OSTF1: variants seen among roughly 807,000 people sequenced by gnomAD.
OSTF1 encodes osteoclast-stimulating factor 1.
Under a neutral mutation model 37.2 loss-of-function variants are expected in OSTF1, and 27 were observed. The observed-to-expected ratio is 0.73, with a 90% CI of 0.54 to 1.00. The LOEUF (loss-of-function observed/expected upper bound fraction) is 1.00, where lower values mean the gene tolerates loss of function less well. Ranked by LOEUF, OSTF1 falls within the 50% of genes least tolerant of loss-of-function variation. OSTF1 has a pLI of 0.00. For synonymous variants in OSTF1, 82 were observed against 89.2 expected (o/e 0.92, Z 0.46); for missense variants, 232 against 253.8 (o/e 0.91, Z 0.58).
At chr9:75,142,448 A>G (rs561536897) in intron 9 of OSTF1, among the ~76,000 whole-genome samples, 24 of 152,280 alleles carry the variant, frequency 1.6e-4, no homozygotes, top group Non-Finnish European at 3.1e-4. Context: ...CTGACCGAAG[A>G]GTAAGGCTTC....
chr9:75,110,892 AT>A (rs1177993602), intron 1 of OSTF1, among the ~76,000 whole-genome samples: 2 of 151,336 alleles, frequency 1.3e-5, no homozygotes, highest in African/African-American at 2.4e-5. Context: ...TAATTTTTAA[AT>A]TTTTTTTGTA....
chr9:75,097,491 T>A (rs1464845609), intron 1 of OSTF1, among the ~76,000 whole-genome samples: 1 of 152,194 alleles, frequency 6.6e-6, no homozygotes, highest in East Asian at 1.9e-4. Context: ...AAAAGCTAGT[T>A]CAGACCATGA....
intron 1 of OSTF1, among the ~76,000 whole-genome samples, chr9:75,090,294 G>T (rs556168411): frequency 2.7e-5 from 4 of 149,348 alleles, no homozygotes; most frequent in Non-Finnish European, 4.5e-5. Flanking sequence ...GACATTGACA[G>T]GTGTGTGTGT....
chr9:75,134,430 A>T lies in OSTF1; in HGVS notation c.408+35A>T, dbSNP rs1383084779. The T allele has an allele frequency of 3.4e-6, 4 of 1,181,964 alleles. No homozygotes were observed. In the South Asian group the frequency reaches 5.1e-5, roughly 15 times the overall value. 73.2% of individuals were successfully genotyped at this position (1,181,964 alleles called of 1,614,324 possible). On this transcript the variant is annotated intron_variant, in intron 7 of 9. Transcript: ENST00000346234. ...CTTATTTGAAAATTATTTAACACAT[A>T]CCTGCTTGTTGTCTTTAGTACAGAG...
At chr9:75,090,294 GGT>G (rs3837221) in intron 1 of OSTF1, among the ~76,000 whole-genome samples, 23,819 of 149,172 alleles carry the variant, frequency 0.16, 2,504 homozygotes, top group African/African-American at 0.3. Context: ...GACATTGACA[GGT>G]GTGTGTGTGT....
chr9:75,121,426 C>A lies in OSTF1; in HGVS notation c.81+3876C>A, dbSNP rs139368146. Among the ~76,000 whole-genome samples, 616 of 152,222 alleles carry A rather than the reference C, an allele frequency of 4.0e-3. 24 individuals carry two copies. Among genetic ancestry groups the A allele is most frequent in the Admixed American group, 0.036 (553 of 15,292 alleles). On this transcript the variant is annotated intron_variant, in intron 2 of 9. Coordinates refer to ENST00000346234, the MANE Select transcript of OSTF1 (RefSeq NM_012383.5). ...AATTCTTTAGGCTTTAAAAAATATT[C>A]TATATTTAAAATGTTGTATTTTTAA...
chr9:75,113,405 A>ATGTCAGTG, intron 1 of OSTF1, among the ~76,000 whole-genome samples: 1 of 147,806 alleles, frequency 6.8e-6, no homozygotes, highest in East Asian at 2.0e-4. Context: ...ATTATATTCT[A>ATGTCAGTG]TGTCAGTGTC....
At chr9:75,124,681 C>G (rs1330334582) in intron 2 of OSTF1, among the ~76,000 whole-genome samples, 1 of 152,154 alleles carries the variant, frequency 6.6e-6, no homozygotes, top group African/African-American at 2.4e-5. Flanking sequence ...ACAGTTACTC[C>G]CTATTCCCCC....
At chr9:75,137,216 C>G (rs1355715943) in intron 7 of OSTF1, among the ~76,000 whole-genome samples, 2 of 152,172 alleles carry the variant, frequency 1.3e-5, no homozygotes, top group Non-Finnish European at 2.9e-5. Context: ...CCAGGAATCT[C>G]CAATTCCTAA....
rs1047088943 is a variant in OSTF1, at chr9:75,133,131, C to A, written c.251-163C>A. Among the ~76,000 whole-genome samples, 4 of 152,092 alleles carry A rather than the reference C, an allele frequency of 2.6e-5. No homozygotes were observed. The East Asian group carries it at 7.7e-4, about 29-fold the overall frequency. ...TACTTTCCATTAATAAGCTGGAAGT[C>A]AAAATGTACCATAATAAATGCATTA... On this transcript the variant is annotated intron_variant, in intron 5 of 9. Transcript: ENST00000346234.
At chr9:75,126,676 C>G (rs1210621870) in intron 2 of OSTF1, among the ~76,000 whole-genome samples, 1 of 152,188 alleles carries the variant, frequency 6.6e-6, no homozygotes, top group Non-Finnish European at 1.5e-5. Flanking sequence ...TCACCGCAAC[C>G]TCTGCCTCCC....
At chr9:75,136,581 G>A (rs1473034157) in intron 7 of OSTF1, among the ~76,000 whole-genome samples, 6 of 152,180 alleles carry the variant, frequency 3.9e-5, no homozygotes, top group Admixed American at 1.3e-4. Flanking sequence ...TAGTAGAGAC[G>A]GGGTTTCACC....
At chr9:75,143,651 T>A (rs926745068) in intron 9 of OSTF1, among the ~76,000 whole-genome samples, 30 of 152,318 alleles carry the variant, frequency 2.0e-4, no homozygotes, top group African/African-American at 7.2e-4. Flanking sequence ...TATTTATTGT[T>A]TGTATGTTTG....
intron 2 of OSTF1, among the ~76,000 whole-genome samples, chr9:75,121,058 A>G (rs1475043405): frequency 6.6e-6 from 1 of 152,176 alleles, no homozygotes; most frequent in Non-Finnish European, 1.5e-5. Flanking sequence ...AGCCCGCACT[A>G]GGGTTCAGGA....
In OSTF1 at chr9:75,130,740, A is replaced by G. The variant is rs115038090; in HGVS notation, c.196+99A>G. 2.3e-3 allele frequency: 1,733 copies of G among 756,932 alleles called. 17 individuals carry two copies. In the African/African-American group the frequency reaches 0.027, roughly 12 times the overall value. 46.9% of individuals were successfully genotyped at this position (756,932 alleles called of 1,614,324 possible). Reference sequence around the variant, plus strand: ...GCTACTGTGGCTGAGAAAGCAATGGAGTCATTGTCAGTCTAGGACATTTTC... The same window carrying G: ...GCTACTGTGGCTGAGAAAGCAATGGGGTCATTGTCAGTCTAGGACATTTTC... On this transcript the variant is annotated intron_variant, in intron 4 of 9. Coordinates refer to ENST00000346234, the MANE Select transcript of OSTF1 (RefSeq NM_012383.5).
Position 75,088,603 on chromosome 9 carries a change from A to G in OSTF1, c.-90A>G. 1.4e-6 allele frequency: 2 copies of G among 1,412,250 alleles called. No homozygotes were observed. Among genetic ancestry groups the G allele is most frequent in the Admixed American group, 1.9e-5 (1 of 51,420 alleles). The allele number at this position is 1,412,250 out of a possible 1,614,324, so 87.5% of individuals were successfully genotyped here. A position where few individuals can be genotyped will look rare whatever the true frequency, so the allele number is the denominator to read the frequency against. On this transcript the variant is annotated 5_prime_UTR_variant, in exon 1 of 10. Transcript: ENST00000346234. ...GAGGCGCACGGTTGTAAGCCAGACA[A>G]AAAGAACTGGGGTGCCCGGAGTGCC...
At chr9:75,120,181 A>G (rs1304479738) in intron 2 of OSTF1, among the ~76,000 whole-genome samples, 1 of 152,194 alleles carries the variant, frequency 6.6e-6, no homozygotes, top group Non-Finnish European at 1.5e-5. Context: ...CGTAAAGTTG[A>G]CAAATTGTTA....
rs1199837821 is a variant in OSTF1, at chr9:75,090,276, A to G, written c.34+1550A>G. ...CGTATTAAATGCTGTCTATATTGCAAATGGAGGGACATTGACAGGTGTGTG... is the reference window on the plus strand; with the variant it reads ...CGTATTAAATGCTGTCTATATTGCAGATGGAGGGACATTGACAGGTGTGTG... On this transcript the variant is annotated intron_variant, in intron 1 of 9. Transcript: ENST00000346234. 7.3e-5 allele frequency among the ~76,000 whole-genome samples: 11 copies of G among 150,482 alleles called. No homozygotes were observed. The East Asian group carries it at 1.6e-3, about 21-fold the overall frequency.
intron 8 of OSTF1, among the ~76,000 whole-genome samples, chr9:75,137,853 T>G (rs1825867945): frequency 6.6e-6 from 1 of 152,222 alleles, no homozygotes; most frequent in Admixed American, 6.5e-5. Context: ...CATATATTAC[T>G]TTTAGTAAGA....
Sources: allele counts gnomAD v4.1 joint callset (sites outside exome capture counted in the v4.1 genomes callset), GRCh38; gene constraint gnomAD v4.1.1; transcripts MANE v1.5; gene names NCBI Gene and HGNC (gene_info 2026-07-23, HGNC 2026-07-21).